QTGAL: variants seen among roughly 807,000 people sequenced by gnomAD.
QTGAL encodes the protein queuosine-tRNA galactosyltransferase.
chr17:82,948,779 A>G, the QTGAL span: 1 of 152,268 alleles, frequency 6.6e-6, no homozygotes, highest in Non-Finnish European at 1.5e-5. Context: ...TCCAAATAGA[A>G]AAATTGGCAT....
the QTGAL span, among the ~76,000 whole-genome samples, chr17:83,009,949 G>A: frequency 1.3e-5 from 2 of 149,444 alleles, no homozygotes; most frequent in African/African-American, 2.5e-5. Context: ...GGGGGAGGGG[G>A]GCTGTGGGGG....
the QTGAL span, among the ~76,000 whole-genome samples, chr17:83,032,243 C>T: frequency 1.3e-5 from 1 of 74,174 alleles, no homozygotes; most frequent in African/African-American, 6.9e-5. Flanking sequence ...AGCTGAACAA[C>T]GGGTCAGACC....
the QTGAL span, among the ~76,000 whole-genome samples, chr17:82,974,116 C>T: frequency 6.6e-6 from 1 of 152,358 alleles, no homozygotes; most frequent in East Asian, 1.9e-4. Flanking sequence ...CTTGGGCCTC[C>T]CTGCCTCCAG....
At chr17:82,976,154 C>A in the QTGAL span, among the ~76,000 whole-genome samples, 2 of 25,170 alleles carry the variant, frequency 7.9e-5, no homozygotes, top group East Asian at 1.7e-3. Flanking sequence ...ACGAGGGCCC[C>A]GGGACAGAGC....
At chr17:83,007,703 C>T in the QTGAL span, among the ~76,000 whole-genome samples, 100 of 152,312 alleles carry the variant, frequency 6.6e-4, 1 homozygote, top group African/African-American at 2.2e-3. Context: ...CTCCCCATGA[C>T]TCCCCCAGCT....
the QTGAL span, among the ~76,000 whole-genome samples, chr17:82,970,278 T>C: frequency 6.6e-6 from 1 of 152,234 alleles, no homozygotes; most frequent in East Asian, 1.9e-4. Flanking sequence ...CGAGGCCCCC[T>C]GAGAGGCTGC....
At chr17:82,964,908 AC>A in the QTGAL span, among the ~76,000 whole-genome samples, 1 of 87,820 alleles carries the variant, frequency 1.1e-5, no homozygotes, top group African/African-American at 4.6e-5. Context: ...CTGCAGGTGC[AC>A]CCCCACGGGA....
At chr17:82,986,955 C>G in the QTGAL span, among the ~76,000 whole-genome samples, 1 of 152,212 alleles carries the variant, frequency 6.6e-6, no homozygotes, top group Non-Finnish European at 1.5e-5. Flanking sequence ...CCCTGTCCCA[C>G]TAACCTGACC....
the QTGAL span, chr17:82,947,280 A>G: frequency 2.4e-6 from 1 of 424,976 alleles, no homozygotes; most frequent in East Asian, 3.8e-5. Context: ...GAATGAGACT[A>G]ACAGGCAATG....
chr17:83,051,328 G>C, the QTGAL span, among the ~76,000 whole-genome samples: 1 of 151,912 alleles, frequency 6.6e-6, no homozygotes, highest in Non-Finnish European at 1.5e-5. Flanking sequence ...GTGCGGGCGC[G>C]GGGAAGGAGC....
At chr17:83,014,358 C>T in the QTGAL span, 1 of 1,356,830 alleles carries the variant, frequency 7.4e-7, no homozygotes, top group Non-Finnish European at 1.0e-6. Context: ...TCACCATAGC[C>T]TGATTCTTTC....
chr17:82,952,124 G>C, the QTGAL span, among the ~76,000 whole-genome samples: 4 of 152,246 alleles, frequency 2.6e-5, no homozygotes, highest in Non-Finnish European at 5.9e-5. Flanking sequence ...CTGTGCCCAA[G>C]AGGCTCTGCT....
At chr17:83,015,317 G>A in the QTGAL span, among the ~76,000 whole-genome samples, 1 of 152,260 alleles carries the variant, frequency 6.6e-6, no homozygotes, top group Admixed American at 6.5e-5. The surrounding 1 kb of genome is among the most constrained non-coding windows in gnomAD (Gnocchi z 4.4). Flanking sequence ...ACTTCCCTAA[G>A]ACCCTGACGT....
the QTGAL span, among the ~76,000 whole-genome samples, chr17:82,999,993 C>T: frequency 3.3e-5 from 5 of 152,044 alleles, no homozygotes; most frequent in African/African-American, 9.7e-5. Flanking sequence ...GATGGAGTCT[C>T]GCTCTGTCGC....
the QTGAL span, among the ~76,000 whole-genome samples, chr17:83,039,863 T>C: frequency 6.6e-6 from 1 of 152,214 alleles, no homozygotes; most frequent in East Asian, 1.9e-4. Context: ...GAGCTGCTCC[T>C]GTCCACTGAG....
the QTGAL span, among the ~76,000 whole-genome samples, chr17:82,969,130 T>TA: frequency 1.1e-5 from 1 of 90,082 alleles, no homozygotes; most frequent in African/African-American, 3.1e-5. Context: ...AGACTCCATT[T>TA]CAGGAAAAAA....
the QTGAL span, chr17:82,981,697 C>T: frequency 1.2e-4 from 18 of 152,322 alleles, no homozygotes; most frequent in East Asian, 2.9e-3. Flanking sequence ...CCCAGGATGC[C>T]GTCCTCACAC....
chr17:83,032,834 G>A, the QTGAL span, among the ~76,000 whole-genome samples: 1 of 152,216 alleles, frequency 6.6e-6, no homozygotes, highest in Non-Finnish European at 1.5e-5. Context: ...CGCCCTGGGG[G>A]TTCCGCCTTC....
the QTGAL span, among the ~76,000 whole-genome samples, chr17:83,008,813 C>T: frequency 1.3e-5 from 2 of 151,910 alleles, no homozygotes; most frequent in African/African-American, 4.8e-5. Context: ...AGGATCCCTG[C>T]CGCCGAGCGA....
Sources: gnomAD v4.1 joint callset for allele counts (sites outside exome capture counted in the v4.1 genomes callset) on GRCh38, gnomAD v4.1.1 for gene constraint, Gnocchi (gnomAD v3.1) non-coding constraint, MANE v1.5 for transcripts, NCBI Gene and HGNC (gene_info 2026-07-23, HGNC 2026-07-21) for gene names.